The following STEAP2 variants were observed in gnomAD, a reference collection of about 807,000 sequenced individuals.
The protein encoded by STEAP2 is metalloreductase STEAP2.
STEAP2 carries 30 observed loss-of-function variants against 46.4 expected under a neutral mutation model. That is an observed-to-expected ratio of 0.65 (90% confidence interval 0.48 to 0.88). The LOEUF is 0.88. STEAP2 is among the 40% of genes least tolerant of loss of function. The pLI, the probability that STEAP2 is intolerant of heterozygous loss-of-function variation, is 0.00. For missense variants in STEAP2, 513 were observed against 579.3 expected, an observed-to-expected ratio of 0.89 and a Z score of 1.18; for synonymous variants, 180 against 200.5, an observed-to-expected ratio of 0.90 and a Z score of 0.86.
At position 90,237,118 on chromosome 7, in the gene STEAP2, A is replaced by G. The variant is rs17869617; in HGVS notation, c.*4494A>G. On this transcript the variant is annotated 3_prime_UTR_variant, in exon 6 of 6. Transcript: ENST00000394621. ...CTGCTGGGATTGTGGATATAACAGGAGCCCTGGCAGCTGTCTCCAGAGGAT... is the reference window on the plus strand; with the variant it reads ...CTGCTGGGATTGTGGATATAACAGGGGCCCTGGCAGCTGTCTCCAGAGGAT... 1,978 of 672,360 alleles carry G rather than the reference A, an allele frequency of 2.9e-3. 43 individuals carry two copies. In the African/African-American group the frequency reaches 0.033, roughly 11 times the overall value. The allele number at this position is 672,360 out of a possible 1,614,324, so 41.6% of individuals were successfully genotyped here.
At chr7:90,229,491 A>G (rs1322297025) in intron 4 of STEAP2, among the ~76,000 whole-genome samples, 1 of 152,176 alleles carries the variant, frequency 6.6e-6, no homozygotes, top group Admixed American at 6.5e-5. Flanking sequence ...CCAAGTTTAA[A>G]CCAGCTTGTA....
chr7:90,234,458 ACT>A lies in STEAP2; in HGVS notation c.*1837_*1838del, dbSNP rs1371496325. ...GTAGAGGCTACCTTTCCCACCAGTG[ACT>A]CTTTTTCTACAACTGCCTTGTCAGT... On this transcript the variant is annotated 3_prime_UTR_variant, in exon 6 of 6. Coordinates refer to ENST00000394621, the MANE Select transcript of STEAP2 (RefSeq NM_001244944.2). 2 of 983,210 alleles carry A rather than the reference ACT, an allele frequency of 2.0e-6. No homozygotes were observed. Among genetic ancestry groups the A allele is most frequent in the Admixed American group, 1.2e-4 (2 of 16,036 alleles). 60.9% of individuals were successfully genotyped at this position (983,210 alleles called of 1,614,324 possible).
downstream of STEAP2, among the ~76,000 whole-genome samples, chr7:90,243,113 G>C (rs1352199274): frequency 6.6e-6 from 1 of 152,098 alleles, no homozygotes; most frequent in Non-Finnish European, 1.5e-5. Context: ...TGGTCTCTTC[G>C]GCTAGGATTT....
rs201839111 is a variant in STEAP2, at chr7:90,236,952, C to T, written c.*4328C>T. ...GAACTGGAATTTGTCTTCCTATTGACTCTACTTCTTTAAAAGCGGCTGCCC... is the reference window on the plus strand; with the variant it reads ...GAACTGGAATTTGTCTTCCTATTGATTCTACTTCTTTAAAAGCGGCTGCCC... On this transcript the variant is annotated 3_prime_UTR_variant, in exon 6 of 6. Transcript: ENST00000394621. 78 of 1,613,930 alleles carry T rather than the reference C, an allele frequency of 4.8e-5. No homozygotes were observed. The Middle Eastern group carries it at 8.2e-4, about 17-fold the overall frequency.
At chr7:90,220,274 T>G (rs1795198552) in intron 2 of STEAP2, among the ~76,000 whole-genome samples, 1 of 152,188 alleles carries the variant, frequency 6.6e-6, no homozygotes, top group African/African-American at 2.4e-5. Flanking sequence ...GGACTTTTCT[T>G]TGTTGGGAGT....
In STEAP2 at chr7:90,236,181, C is replaced by T. The variant is rs1054166499; in HGVS notation, c.*3557C>T. 1.2e-5 allele frequency: 9 copies of T among 732,948 alleles called. No individual in the cohort carries two copies. In the African/African-American group the frequency reaches 1.5e-4, roughly 13 times the overall value. 45.4% of individuals were successfully genotyped at this position (732,948 alleles called of 1,614,324 possible). On this transcript the variant is annotated 3_prime_UTR_variant, in exon 6 of 6. Transcript: ENST00000394621. Reference sequence around the variant, plus strand: ...AAGCTATTTCATAATAAATTCTGTACAGTTTCCCCCCAAAAAAGAGATTTA... The same window carrying T: ...AAGCTATTTCATAATAAATTCTGTATAGTTTCCCCCCAAAAAAGAGATTTA...
Position 90,232,805 on chromosome 7 carries a change from C to T in STEAP2, c.*181C>T, listed in dbSNP as rs1795817754. On this transcript the variant is annotated 3_prime_UTR_variant, in exon 6 of 6. Transcript: ENST00000394621. The stretch of plus-strand genomic sequence containing the variant: ...TAATTTTCACAAATGTCATGTTTGC[C>T]AATATGAATTTTTCTAGTCAACATA... The T allele has an allele frequency of 7.7e-7, 1 of 1,299,230 alleles. No individual in the cohort carries two copies. The highest frequency in any genetic ancestry group is 9.8e-7 in the Non-Finnish European group (1 of 1,023,266). 80.5% of individuals were successfully genotyped at this position (1,299,230 alleles called of 1,614,324 possible). A position where few individuals can be genotyped will look rare whatever the true frequency, so the allele number is the denominator to read the frequency against.
At chr7:90,217,265 T>C (rs1179719850) in intron 2 of STEAP2, among the ~76,000 whole-genome samples, 1 of 152,234 alleles carries the variant, frequency 6.6e-6, no homozygotes, top group Non-Finnish European at 1.5e-5. Context: ...GTTAAGAACA[T>C]TTCAAGTCAT....
At chr7:90,243,353 T>C in the STEAP2 span, among the ~76,000 whole-genome samples, 1 of 152,240 alleles carries the variant, frequency 6.6e-6, no homozygotes, top group Non-Finnish European at 1.5e-5. Flanking sequence ...AAATCTTGAA[T>C]AATTTTTGAA....
chr7:90,235,276 A>G lies in STEAP2; in HGVS notation c.*2652A>G. On this transcript the variant is annotated 3_prime_UTR_variant, in exon 6 of 6. Transcript: ENST00000394621. Reference sequence around the variant, plus strand: ...ATGGCACTATCTTCTTTTCAGTACTACAAAAACAGAATAATTTTGAAGTTT... The same window carrying G: ...ATGGCACTATCTTCTTTTCAGTACTGCAAAAACAGAATAATTTTGAAGTTT... 1 of 975,276 alleles carries G rather than the reference A, an allele frequency of 1.0e-6. No homozygotes were observed. Among genetic ancestry groups the G allele is most frequent in the Non-Finnish European group, 1.2e-6 (1 of 820,472 alleles). 60.4% of individuals were successfully genotyped at this position (975,276 alleles called of 1,614,324 possible).
Position 90,235,666 on chromosome 7 carries a change from C to T in STEAP2, c.*3042C>T, listed in dbSNP as rs748332105. The T allele has an allele frequency of 4.4e-5, 41 of 933,162 alleles. No individual in the cohort carries two copies. Among genetic ancestry groups the T allele is most frequent in the South Asian group, 3.5e-4 (7 of 20,162 alleles). The allele number at this position is 933,162 out of a possible 1,614,324, so 57.8% of individuals were successfully genotyped here. On this transcript the variant is annotated 3_prime_UTR_variant, in exon 6 of 6. Coordinates refer to ENST00000394621, the MANE Select transcript of STEAP2 (RefSeq NM_001244944.2). ...TTCCTATGAGGAAAATAACCATGAG[C>T]TGTATCATGCTACTTAGCTTTTATG...
chr7:90,229,377 A>G (rs1293353805), intron 4 of STEAP2, among the ~76,000 whole-genome samples: 1 of 152,172 alleles, frequency 6.6e-6, no homozygotes, highest in Non-Finnish European at 1.5e-5. Context: ...AAGATAAAAC[A>G]GAGATATATT....
rs1442860500 is a variant in STEAP2 at position 90,235,347 on chromosome 7, C to T, written c.*2723C>T. 1.0e-6 allele frequency: 1 copy of T among 955,378 alleles called. No individual in the cohort carries two copies. Among genetic ancestry groups the T allele is most frequent in the Non-Finnish European group, 1.2e-6 (1 of 802,706 alleles). The allele number at this position is 955,378 out of a possible 1,614,324, so 59.2% of individuals were successfully genotyped here. On this transcript the variant is annotated 3_prime_UTR_variant, in exon 6 of 6. Coordinates refer to ENST00000394621, the MANE Select transcript of STEAP2 (RefSeq NM_001244944.2). ...TACTATAATTCTAAATGTTTAAATG[C>T]TTTTCTAAAAATGCAAAACTATGAT...
At chr7:90,229,300 T>C (rs1795637830) in intron 4 of STEAP2, among the ~76,000 whole-genome samples, 1 of 152,160 alleles carries the variant, frequency 6.6e-6, no homozygotes, top group Admixed American at 6.6e-5. Context: ...TTCAAGTGGA[T>C]AAATGAGCTC....
At chr7:90,219,527 T>C (rs1355853684) in intron 2 of STEAP2, among the ~76,000 whole-genome samples, 1 of 152,228 alleles carries the variant, frequency 6.6e-6, no homozygotes, top group Non-Finnish European at 1.5e-5. Flanking sequence ...AAATGTTTTT[T>C]CTGCATCTAT....
Position 90,226,986 on chromosome 7 carries a change from A to C in STEAP2, c.508A>C (p.Asn170His). 6.3e-7 allele frequency: 1 copy of C among 1,593,186 alleles called. No homozygotes were observed. The highest frequency in any genetic ancestry group is 1.4e-5 in the African/African-American group (1 of 73,892). ...TTTTCCACAGGTTTATATATGCAGC[A>C]ACAATATTCAAGCGCGACAACAGGT... ...DASRQVYICS[N>H]NIQARQQVIE... The change falls in exon 4 of 6, where the codon AAC becomes CAC. Residue 170 changes from asparagine (N) to histidine (H), a missense_variant. Asn to His is a moderately conservative substitution (Grantham distance 68). Coordinates refer to ENST00000394621, the MANE Select transcript of STEAP2 (RefSeq NM_001244944.2).
rs1333325619 is a variant in STEAP2, at chr7:90,227,435, CA to C, written c.958del (p.Ser320AlafsTer6). 1 of 1,606,980 alleles carries C rather than the reference CA, an allele frequency of 6.2e-7. No homozygotes were observed. Among genetic ancestry groups the C allele is most frequent in the South Asian group, 1.1e-5 (1 of 90,926 alleles). ...TCTTCGCTATGGTCCATGTTGCCTA[CA>C]GCCTCTGCTTACCGATGAGAAGGTC... ...FFFAMVHVAY[S>X]LCLPMRRSER... On this transcript the variant is annotated frameshift_variant, in exon 4 of 6. Coordinates refer to ENST00000394621, the MANE Select transcript of STEAP2 (RefSeq NM_001244944.2).
rs1795959972 is a variant in STEAP2, at chr7:90,236,348, G to A, written c.*3724G>A. On this transcript the variant is annotated 3_prime_UTR_variant, in exon 6 of 6. Coordinates refer to ENST00000394621, the MANE Select transcript of STEAP2 (RefSeq NM_001244944.2). ...CTATGAAATCCCTGTTTTGAAATAC[G>A]TAAACAGCCTAAAATGTGTTGAAAT... 1.0e-6 allele frequency: 1 copy of A among 982,788 alleles called. No homozygotes were observed. Among genetic ancestry groups the A allele is most frequent in the Non-Finnish European group, 1.2e-6 (1 of 827,640 alleles). The allele number at this position is 982,788 out of a possible 1,614,324, so 60.9% of individuals were successfully genotyped here.
At chr7:90,225,963 G>A (rs953428204) in intron 3 of STEAP2, among the ~76,000 whole-genome samples, 1 of 152,082 alleles carries the variant, frequency 6.6e-6, no homozygotes, top group African/African-American at 2.4e-5. Context: ...AAAGACAGTT[G>A]ATTAGATTCC....
Sources: gnomAD v4.1 joint callset for allele counts (sites outside exome capture counted in the v4.1 genomes callset) on GRCh38, gnomAD v4.1.1 for gene constraint, MANE v1.5 for transcripts, NCBI Gene and HGNC (gene_info 2026-07-23, HGNC 2026-07-21) for gene names.